The following BAG2 variants were observed in gnomAD, a reference collection of about 807,000 sequenced individuals.
BAG2 encodes BAG family molecular chaperone regulator 2.
In BAG2, 8 loss-of-function variants were observed where a neutral mutation model predicts 16.4. The observed-to-expected ratio is 0.49, with a 90% CI of 0.29 to 0.88. The LOEUF (loss-of-function observed/expected upper bound fraction) is 0.88, where lower values mean the gene tolerates loss of function less well. BAG2 is among the 40% of genes least tolerant of loss of function. The pLI is 0.09. For synonymous variants in BAG2, 82 were observed against 89.2 expected, an observed-to-expected ratio of 0.92 and a Z score of 0.46; for missense variants, 218 against 248.9, an observed-to-expected ratio of 0.88 and a Z score of 0.84.
In BAG2 at chr6:57,184,272, T is replaced by G; in HGVS notation, c.*82T>G. On this transcript the variant is annotated 3_prime_UTR_variant, in exon 3 of 3. Transcript: ENST00000370693. ...ATTTTAATTGATAACTAGTTCTTTG[T>G]TAGGTATAACCACTTAGTTGACACT... 7.7e-7 allele frequency: 1 copy of G among 1,302,794 alleles called. No individual in the cohort carries two copies. The allele number at this position is 1,302,794 out of a possible 1,614,324, so 80.7% of individuals were successfully genotyped here. A position where few individuals can be genotyped will look rare whatever the true frequency, so the allele number is the denominator to read the frequency against.
intron 1 of BAG2, among the ~76,000 whole-genome samples, chr6:57,181,668 C>T (rs774975464): frequency 5.3e-5 from 8 of 152,126 alleles, no homozygotes; most frequent in Non-Finnish European, 8.8e-5. Flanking sequence ...GTGCTCCAAC[C>T]TGGGTGACAA....
rs1198938562 is a variant in BAG2 at position 57,172,807 on chromosome 6, T to A, written c.110T>A (p.Leu37His). 3 of 1,529,644 alleles carry A rather than the reference T, an allele frequency of 2.0e-6. No individual in the cohort carries two copies. The African/African-American group carries it at 4.3e-5, about 22-fold the overall frequency. 94.8% of individuals were successfully genotyped at this position (1,529,644 alleles called of 1,614,324 possible). A position where few individuals can be genotyped will look rare whatever the true frequency, so the allele number is the denominator to read the frequency against. Residue 37 changes from leucine to histidine, a missense_variant, in exon 1 of 3, where the codon CTC (leucine) becomes CAC (histidine). Around this residue, in one of 3 missense-constraint regions of BAG2, gnomAD observed 75 missense variants for 63.1 expected, o/e 1.19. Transcript: ENST00000370693. ...RLLESLDQLE[L>H]RVEALREAAT... Reference sequence around the variant, plus strand: ...CTGGAGAGCCTGGACCAGCTGGAGCTCAGGTGAGCTCCGGGCGGGCGGTCT... The same window carrying A: ...CTGGAGAGCCTGGACCAGCTGGAGCACAGGTGAGCTCCGGGCGGGCGGTCT...
chr6:57,177,517 T>A (rs1764314913), intron 1 of BAG2, among the ~76,000 whole-genome samples: 1 of 152,218 alleles, frequency 6.6e-6, no homozygotes, highest in Non-Finnish European at 1.5e-5. Flanking sequence ...TCATCATTAA[T>A]AAATAAGCCC....
Position 57,189,619 on chromosome 6 carries a change from C to T in BAG2, c.*5429C>T, listed in dbSNP as rs942075699. 24 of 152,576 alleles carry T rather than the reference C, an allele frequency of 1.6e-4. No homozygotes were observed. Among genetic ancestry groups the T allele is most frequent in the African/African-American group, 5.8e-4 (24 of 41,446 alleles). The allele number at this position is 152,576 out of a possible 1,614,324, so 9.5% of individuals were successfully genotyped here. On this transcript the variant is annotated 3_prime_UTR_variant, in exon 3 of 3. Transcript: ENST00000370693. ...AAGGCTCACCTGGGAGATGCTCTAG[C>T]ATTCAAATTCCTATACTCCTCTTTT...
intron 1 of BAG2, among the ~76,000 whole-genome samples, chr6:57,179,146 C>T (rs1218097247): frequency 2.6e-5 from 4 of 152,172 alleles, no homozygotes; most frequent in Admixed American, 2.6e-4. Flanking sequence ...TTAGTGCCAA[C>T]TCCGTCTCTT....
rs922113619 is a variant in BAG2, at chr6:57,187,874, A to C, written c.*3684A>C. The C allele has an allele frequency of 3.3e-5, 5 of 151,884 alleles. No individual in the cohort carries two copies. Among genetic ancestry groups the C allele is most frequent in the Non-Finnish European group, 7.4e-5 (5 of 68,012 alleles). The allele number at this position is 151,884 out of a possible 1,614,324, so 9.4% of individuals were successfully genotyped here. ...GTTTTAGCTTTATTTTGAAAAAGTA[A>C]CGTGTGCTATCAACTTTGGGCAGAT... On this transcript the variant is annotated 3_prime_UTR_variant, in exon 3 of 3. Coordinates refer to ENST00000370693, the MANE Select transcript of BAG2 (RefSeq NM_004282.4).
chr6:57,184,170 G>T lies in BAG2; in HGVS notation c.616G>T (p.Ala206Ser). ...TGGTTCCAAAACTCTGCAACAAAAT[G>T]CTGAAAGCAGATTCAATTAGTCTTC... ...GAGSKTLQQN[A>S]ESRFN The change falls in exon 3 of 3, where the codon GCT (alanine) becomes TCT (serine). Residue 206 changes from alanine to serine, a missense_variant. By Grantham distance (99) the Ala-to-Ser change is moderately conservative (BLOSUM62 1). Transcript: ENST00000370693. 1 of 1,548,558 alleles carries T rather than the reference G, an allele frequency of 6.5e-7. No individual in the cohort carries two copies. The highest frequency in any genetic ancestry group is 8.6e-7 in the Non-Finnish European group (1 of 1,156,510).
chr6:57,188,054 C>CAA lies in BAG2; in HGVS notation c.*3867_*3868dup, dbSNP rs1472932709. The CAA allele has an allele frequency of 6.6e-6, 1 of 151,996 alleles. No homozygotes were observed. Among genetic ancestry groups the CAA allele is most frequent in the African/African-American group, 2.4e-5 (1 of 41,374 alleles). 9.4% of individuals were successfully genotyped at this position (151,996 alleles called of 1,614,324 possible). On this transcript the variant is annotated 3_prime_UTR_variant, in exon 3 of 3. Coordinates refer to ENST00000370693, the MANE Select transcript of BAG2 (RefSeq NM_004282.4). ...GTTATTCCACAGCGATATGTCTACG[C>CAA]AAAAGATTAGCCGTAATGTTAAAAA...
intron 1 of BAG2, among the ~76,000 whole-genome samples, chr6:57,178,640 G>A (rs531752595): frequency 1.3e-5 from 2 of 152,092 alleles, no homozygotes; most frequent in Non-Finnish European, 2.9e-5. Flanking sequence ...TTTACATTTT[G>A]AAGAATGACA....
chr6:57,172,629 A>G lies in BAG2; in HGVS notation c.-69A>G. 1.5e-6 allele frequency: 2 copies of G among 1,322,598 alleles called. No homozygotes were observed. Among genetic ancestry groups the G allele is most frequent in the Non-Finnish European group, 2.0e-6 (2 of 998,370 alleles). 81.9% of individuals were successfully genotyped at this position (1,322,598 alleles called of 1,614,324 possible). ...GTGGTGACGGCGACGCCTGCAGCCC[A>G]AGGAGCGCTCCACTCGCTGCCGCCG... is the stretch of plus-strand genomic sequence containing the variant. On this transcript the variant is annotated 5_prime_UTR_variant, in exon 1 of 3. Transcript: ENST00000370693.
chr6:57,174,612 G>C (rs981153219), intron 1 of BAG2, among the ~76,000 whole-genome samples: 3 of 152,038 alleles, frequency 2.0e-5, no homozygotes, highest in Non-Finnish European at 4.4e-5. Context: ...CTGGACTTTT[G>C]TAGGCCTTTT....
At chr6:57,182,225 C>A in intron 2 of BAG2, 84 bp downstream of exon 2, 2 of 1,182,978 alleles carry the variant, frequency 1.7e-6, no homozygotes, top group Non-Finnish European at 2.5e-6. Context: ...TTTTGCTTGA[C>A]TTTTGGTATG....
rs1764670497 is a variant in BAG2 at position 57,187,930 on chromosome 6, T to TAACTA, written c.*3741_*3745dup. The TAACTA allele has an allele frequency of 6.6e-6, 1 of 152,020 alleles. No homozygotes were observed. The highest frequency in any genetic ancestry group is 2.4e-5 in the African/African-American group (1 of 41,438). The allele number at this position is 152,020 out of a possible 1,614,324, so 9.4% of individuals were successfully genotyped here. ...GGAAATCATTTAACCTGGTTTTATTTAACTATATTGCCTTATATGGGTCAT... is the reference window on the plus strand; with the variant it reads ...GGAAATCATTTAACCTGGTTTTATTTAACTAAACTATATTGCCTTATATGGGTCAT... On this transcript the variant is annotated 3_prime_UTR_variant, in exon 3 of 3. Coordinates refer to ENST00000370693, the MANE Select transcript of BAG2 (RefSeq NM_004282.4).
At chr6:57,176,851 G>A (rs1389059106) in intron 1 of BAG2, among the ~76,000 whole-genome samples, 1 of 152,056 alleles carries the variant, frequency 6.6e-6, no homozygotes, top group Non-Finnish European at 1.5e-5. Context: ...TTCGAGTTAG[G>A]TGGAGGGCAC....
intron 1 of BAG2, among the ~76,000 whole-genome samples, chr6:57,175,253 A>G (rs997118981): frequency 6.6e-6 from 1 of 152,212 alleles, no homozygotes; most frequent in Non-Finnish European, 1.5e-5. Flanking sequence ...AAAAAATACT[A>G]TGATATTACG....
chr6:57,183,054 G>C (rs1764512330), intron 2 of BAG2, among the ~76,000 whole-genome samples: 1 of 152,184 alleles, frequency 6.6e-6, no homozygotes, highest in South Asian at 2.1e-4. Context: ...GTGCCACACA[G>C]GCCACATGGT....
At chr6:57,172,840 TC>T in intron 1 of BAG2, 30 bp downstream of exon 1, 1 of 1,445,210 alleles carries the variant, frequency 6.9e-7, no homozygotes. Context: ...TCTCGGGCGT[TC>T]TGCTCGCCGC....
intron 2 of BAG2, among the ~76,000 whole-genome samples, chr6:57,183,410 C>T (rs1764527114): frequency 6.6e-6 from 1 of 152,170 alleles, no homozygotes; most frequent in South Asian, 2.1e-4. Flanking sequence ...ACATGTCGTT[C>T]TGGAGAGATC....
rs775354264 is a variant in BAG2, at chr6:57,184,124, A to G, written c.570A>G (p.Leu190=). Residue 190 remains leucine, a synonymous_variant, in exon 3 of 3, where the codon CTA becomes CTG. Coordinates refer to ENST00000370693, the MANE Select transcript of BAG2 (RefSeq NM_004282.4). ...NIENSDKAIK[L]LEHSKGAGSK... ...AAAACTCTGACAAGGCCATCAAGCT[A>G]TTAGAGCATTCTAAAGGAGCTGGTT... The G allele has an allele frequency of 5.7e-6, 9 of 1,590,000 alleles. No individual in the cohort carries two copies. Among genetic ancestry groups the G allele is most frequent in the South Asian group, 4.7e-5 (4 of 85,640 alleles).
Sources: gnomAD v4.1 joint callset for allele counts (sites outside exome capture counted in the v4.1 genomes callset) on GRCh38, gnomAD v4.1.1 for gene constraint, gnomAD v4.1.1 regional missense constraint, MANE v1.5 for transcripts, NCBI Gene and HGNC (gene_info 2026-07-23, HGNC 2026-07-21) for gene names.